Variants in PBX3 observed in about 807,000 individuals in gnomAD.
PBX3 encodes PBX homeobox 3.
PBX3 carries 14 observed loss-of-function variants against 48.5 expected under a neutral mutation model. The ratio of observed to expected loss-of-function variants is 0.29; its 90% confidence interval spans 0.19 to 0.45. The LOEUF (loss-of-function observed/expected upper bound fraction) is 0.45. Ranked by LOEUF, PBX3 falls within the 20% of genes least tolerant of loss-of-function variation. The pLI, the probability that PBX3 is intolerant of heterozygous loss-of-function variation, is 1.00. For missense variants in PBX3, 386 were observed against 546.7 expected, an observed-to-expected ratio of 0.71 and a Z score of 2.93; for synonymous variants, 210 against 200.3, an observed-to-expected ratio of 1.05 and a Z score of -0.41.
intron 2 of PBX3, among the ~76,000 whole-genome samples, chr9:125,829,438 CAT>C (rs1482133389): frequency 4.5e-4 from 68 of 152,178 alleles, no homozygotes; most frequent in African/African-American, 1.5e-3. Context: ...TTATATGTAT[CAT>C]ATTTATGATG....
intron 2 of PBX3, among the ~76,000 whole-genome samples, chr9:125,796,089 AC>A (rs1437892453): frequency 2.0e-4 from 30 of 152,144 alleles, no homozygotes; most frequent in Admixed American, 1.0e-3. Flanking sequence ...TTGCGGTTAT[AC>A]AATTAGTAAT....
At chr9:125,852,825 G>A (rs1839619249) in intron 2 of PBX3, among the ~76,000 whole-genome samples, 2 of 152,092 alleles carry the variant, frequency 1.3e-5, no homozygotes, top group African/African-American at 4.8e-5. Flanking sequence ...ACAGTTAGTA[G>A]TGACTGCATG....
chr9:125,860,357 T>C (rs1839831300), intron 2 of PBX3, among the ~76,000 whole-genome samples: 1 of 152,218 alleles, frequency 6.6e-6, no homozygotes, highest in South Asian at 2.1e-4. Context: ...ACTTAGCATG[T>C]GCCCAGAGGG....
intron 2 of PBX3, among the ~76,000 whole-genome samples, chr9:125,790,986 T>C (rs1403438328): frequency 6.6e-6 from 1 of 151,874 alleles, no homozygotes; most frequent in Non-Finnish European, 1.5e-5. Context: ...CAACCTTGGC[T>C]CACTGCAACT....
At chr9:125,938,073 A>G (rs896360287) in intron 5 of PBX3, among the ~76,000 whole-genome samples, 3 of 152,248 alleles carry the variant, frequency 2.0e-5, no homozygotes, top group African/African-American at 7.2e-5. Flanking sequence ...AAAATATTGA[A>G]GCCCCCTGAA....
intron 2 of PBX3, among the ~76,000 whole-genome samples, chr9:125,910,947 T>G (rs10513454): frequency 0.54 from 81,166 of 151,674 alleles, 24,073 homozygotes; most frequent in South Asian, 0.65. Flanking sequence ...TATCATTCTG[T>G]TGGCCTTTTT....
At chr9:125,785,238 G>A (rs944918833) in intron 2 of PBX3, among the ~76,000 whole-genome samples, 1 of 152,178 alleles carries the variant, frequency 6.6e-6, no homozygotes, top group Non-Finnish European at 1.5e-5. Flanking sequence ...GTAGAGTATT[G>A]TTTCTGGGTG....
At chr9:125,873,751 G>A (rs1052545225) in intron 2 of PBX3, among the ~76,000 whole-genome samples, 2 of 151,964 alleles carry the variant, frequency 1.3e-5, no homozygotes, top group African/African-American at 4.8e-5. Context: ...AAGTCTTCAA[G>A]TTAATTAGCT....
At chr9:125,903,005 A>G (rs915737129) in intron 2 of PBX3, among the ~76,000 whole-genome samples, 4 of 151,792 alleles carry the variant, frequency 2.6e-5, no homozygotes, top group African/African-American at 9.7e-5. Flanking sequence ...CAATACTGTC[A>G]GACTCTGTTT....
chr9:125,955,326 C>T (rs1268966147), intron 5 of PBX3, among the ~76,000 whole-genome samples: 4 of 152,178 alleles, frequency 2.6e-5, no homozygotes, highest in Non-Finnish European at 5.9e-5. Context: ...GTGCCTTGCT[C>T]CTGCTCCTCC....
intron 2 of PBX3, among the ~76,000 whole-genome samples, chr9:125,846,077 G>A (rs1440085821): frequency 1.3e-5 from 2 of 152,066 alleles, no homozygotes; most frequent in African/African-American, 2.4e-5. Flanking sequence ...TGAGATTTAT[G>A]TGGGTTGAAG....
chr9:125,793,994 T>G (rs1053392152), intron 2 of PBX3, among the ~76,000 whole-genome samples: 3 of 152,170 alleles, frequency 2.0e-5, no homozygotes, highest in Non-Finnish European at 4.4e-5. Context: ...CAACTTAAAT[T>G]TGTGTGATAA....
intron 5 of PBX3, among the ~76,000 whole-genome samples, chr9:125,936,725 C>A (rs1261322838): frequency 6.6e-6 from 1 of 152,052 alleles, no homozygotes; most frequent in African/African-American, 2.4e-5. Context: ...AGGTTTCATT[C>A]AAGGTTTATT....
At chr9:125,945,550 T>A (rs1007642142) in intron 5 of PBX3, among the ~76,000 whole-genome samples, 3 of 152,198 alleles carry the variant, frequency 2.0e-5, no homozygotes, top group Non-Finnish European at 4.4e-5. Flanking sequence ...GAACAATGAT[T>A]TGTTAAATGC....
chr9:125,903,123 G>T (rs1300978233), intron 2 of PBX3, among the ~76,000 whole-genome samples: 1 of 151,802 alleles, frequency 6.6e-6, no homozygotes, highest in East Asian at 1.9e-4. Context: ...CAGCCTGAAA[G>T]ATCTTTCTTT....
intron 2 of PBX3, among the ~76,000 whole-genome samples, chr9:125,888,546 G>A (rs79992728): frequency 0.024 from 3,212 of 133,538 alleles, 177 homozygotes; most frequent in East Asian, 0.19. Context: ...GGAGGGATAC[G>A]ATTTGATATT....
At chr9:125,780,902 T>G (rs1588140163) in intron 2 of PBX3, among the ~76,000 whole-genome samples, 3 of 119,846 alleles carry the variant, frequency 2.5e-5, no homozygotes, top group Non-Finnish European at 5.2e-5. Context: ...GGGCGGAGGG[T>G]CTCCTCACTT....
At chr9:125,842,901 C>G (rs1564134233) in intron 2 of PBX3, among the ~76,000 whole-genome samples, 1 of 152,046 alleles carries the variant, frequency 6.6e-6, no homozygotes, top group Non-Finnish European at 1.5e-5. Context: ...AAATCTTCAT[C>G]TTTAGTTTAT....
intron 2 of PBX3, among the ~76,000 whole-genome samples, chr9:125,827,642 G>T (rs1838846579): frequency 6.6e-6 from 1 of 151,956 alleles, no homozygotes; most frequent in African/African-American, 2.4e-5. Context: ...GTACTGCATT[G>T]ATTTTGATAT....
Sources: allele counts gnomAD v4.1 joint callset (sites outside exome capture counted in the v4.1 genomes callset), GRCh38; gene constraint gnomAD v4.1.1; transcripts MANE v1.5; gene names NCBI Gene and HGNC (gene_info 2026-07-23, HGNC 2026-07-21).